The following NLGN1 variants were observed in gnomAD, a reference collection of about 807,000 sequenced individuals.
NLGN1 encodes neuroligin 1, also known as neuroligin-1.
A neutral mutation model predicts 65.5 loss-of-function variants in NLGN1; 12 were observed. The ratio of observed to expected loss-of-function variants is 0.18; its 90% CI spans 0.12 to 0.30. NLGN1 has a LOEUF of 0.30. Ranked by LOEUF, NLGN1 falls within the 10% of genes least tolerant of loss-of-function variation. The pLI is 1.00. For missense variants in NLGN1, 750 were observed against 1,007.1 expected, an observed-to-expected ratio of 0.74 and a Z score of 3.46; for synonymous variants, 350 against 359.5, an observed-to-expected ratio of 0.97 and a Z score of 0.30.
At position 173,630,696 on chromosome 3, in the gene NLGN1, ATC is replaced by A. The variant is rs148851059; in HGVS notation, c.493+25609_493+25610del. Among the ~76,000 whole-genome samples, 133 of 152,210 alleles carry A rather than the reference ATC, an allele frequency of 8.7e-4. 1 individual carries two copies. In the East Asian group the frequency reaches 0.018, roughly 20 times the overall value. ...GCCTATTTATTATCTCTTCAATGAC[ATC>A]TCTTACTAGGTACCAGTATTCTTTA... is the stretch of plus-strand genomic sequence containing the variant. On this transcript the variant is annotated intron_variant, in intron 3 of 6. Transcript: ENST00000457714.
intron 3 of NLGN1, among the ~76,000 whole-genome samples, chr3:173,747,309 T>G (rs1775603459): frequency 7.1e-6 from 1 of 140,054 alleles, no homozygotes. Flanking sequence ...TGTATGTATA[T>G]ATTTATATAT....
At chr3:174,068,265 A>G (rs1458541874) in intron 4 of NLGN1, among the ~76,000 whole-genome samples, 1 of 152,072 alleles carries the variant, frequency 6.6e-6, no homozygotes, top group Non-Finnish European at 1.5e-5. Context: ...GTTGTATAGA[A>G]TACATAGGTA....
chr3:173,583,353 T>G (rs979911293), intron 2 of NLGN1, among the ~76,000 whole-genome samples: 1 of 152,240 alleles, frequency 6.6e-6, no homozygotes, highest in African/African-American at 2.4e-5. Flanking sequence ...CATGTATATT[T>G]ATTGATTTAT....
chr3:173,917,870 T>TGTGTGTGTGTGTGTGTG (rs10530688), intron 4 of NLGN1, among the ~76,000 whole-genome samples: 5 of 152,018 alleles, frequency 3.3e-5, no homozygotes, highest in African/African-American at 1.2e-4. Flanking sequence ...TGTGTGTGTG[T>TGTGTGTGTGTGTGTGTG]TGGCCTTTAT....
intron 4 of NLGN1, among the ~76,000 whole-genome samples, chr3:173,853,954 T>C (rs1384120939): frequency 6.6e-6 from 1 of 152,006 alleles, no homozygotes; most frequent in African/African-American, 2.4e-5. Context: ...ATGCAATTGA[T>C]ATATTCCCCC....
In NLGN1 at chr3:174,131,897, G is replaced by A. The variant is rs1010228572; in HGVS notation, c.647-143418G>A. On this transcript the variant is annotated intron_variant, in intron 4 of 6. Transcript: ENST00000457714. ...GCACTAGAATATAAAATCTCAACAG[G>A]TTCATACTTTCAGAAAAGTGTTCAC... Among the ~76,000 whole-genome samples the A allele has an allele frequency of 1.1e-4, 16 of 152,154 alleles. 1 individual carries two copies. The highest frequency in any genetic ancestry group is 6.5e-4 in the Admixed American group (10 of 15,270).
chr3:173,929,067 A>T (rs149927671), intron 4 of NLGN1, among the ~76,000 whole-genome samples: 77 of 152,228 alleles, frequency 5.1e-4, no homozygotes, highest in African/African-American at 1.9e-3. Context: ...GAACCTCTAA[A>T]TTTTTTAGTG....
At chr3:173,627,339 T>C (rs1050120590) in intron 3 of NLGN1, among the ~76,000 whole-genome samples, 1 of 152,166 alleles carries the variant, frequency 6.6e-6, no homozygotes, top group African/African-American at 2.4e-5. Context: ...TAACTTAGTA[T>C]AACATACTCC....
At chr3:173,881,419 CTTTTTTTTTTT>C (rs71162368) in intron 4 of NLGN1, among the ~76,000 whole-genome samples, 1 of 80,542 alleles carries the variant, frequency 1.2e-5, no homozygotes, top group African/African-American at 5.6e-5. Context: ...TGCTCCACTC[CTTTTTTTTTTT>C]TTTTTTTTTT....
chr3:174,241,302 A>AT (rs746901443), intron 4 of NLGN1, among the ~76,000 whole-genome samples: 2 of 151,842 alleles, frequency 1.3e-5, no homozygotes, highest in African/African-American at 4.8e-5. Context: ...TGTTTTATAT[A>AT]TTTTTTCTTT....
chr3:174,089,313 C>G (rs1019214523), intron 4 of NLGN1, among the ~76,000 whole-genome samples: 3 of 152,174 alleles, frequency 2.0e-5, no homozygotes, highest in African/African-American at 7.2e-5. Flanking sequence ...GGAAACTTAT[C>G]TAGCCATTCT....
At chr3:173,537,125 C>T (rs1193828100) in intron 2 of NLGN1, among the ~76,000 whole-genome samples, 3 of 152,134 alleles carry the variant, frequency 2.0e-5, no homozygotes, top group Non-Finnish European at 4.4e-5. Context: ...TAATCTCGCC[C>T]AGAAACACTC....
intron 4 of NLGN1, among the ~76,000 whole-genome samples, chr3:173,831,624 C>A (rs941164500): frequency 2.6e-5 from 4 of 152,116 alleles, no homozygotes; most frequent in Non-Finnish European, 5.9e-5. Flanking sequence ...CTACAAAGTG[C>A]CATAAACTTC....
At chr3:174,231,499 T>C (rs927266634) in intron 4 of NLGN1, among the ~76,000 whole-genome samples, 1 of 152,176 alleles carries the variant, frequency 6.6e-6, no homozygotes, top group Non-Finnish European at 1.5e-5. Context: ...TGCATACTAC[T>C]AAGCTAGGTT....
chr3:173,844,425 GGATT>G, intron 4 of NLGN1, among the ~76,000 whole-genome samples: 1 of 152,184 alleles, frequency 6.6e-6, no homozygotes, highest in East Asian at 1.9e-4. Flanking sequence ...TCTATCTGTA[GGATT>G]GATCTTGCAT....
At chr3:173,586,892 A>G (rs1453969528) in intron 2 of NLGN1, among the ~76,000 whole-genome samples, 1 of 152,194 alleles carries the variant, frequency 6.6e-6, no homozygotes, top group African/African-American at 2.4e-5. Context: ...CACACTGTCT[A>G]ATAGTATTTA....
intron 2 of NLGN1, among the ~76,000 whole-genome samples, chr3:173,568,939 A>C (rs1165403180): frequency 2.0e-5 from 3 of 152,056 alleles, no homozygotes; most frequent in African/African-American, 4.8e-5. Flanking sequence ...CGGCCTCCCA[A>C]AGTGCTGGGA....
intron 4 of NLGN1, among the ~76,000 whole-genome samples, chr3:173,828,836 A>G (rs992995366): frequency 2.6e-5 from 4 of 152,140 alleles, no homozygotes; most frequent in African/African-American, 9.7e-5. Flanking sequence ...GTTGTGAAAC[A>G]GAAACTTGGC....
intron 4 of NLGN1, among the ~76,000 whole-genome samples, chr3:174,175,235 G>A (rs1729227037): frequency 6.6e-6 from 1 of 151,746 alleles, no homozygotes; most frequent in Non-Finnish European, 1.5e-5. Context: ...GAATGCGGGG[G>A]AGTCTCCAGC....
Sources: allele counts gnomAD v4.1 joint callset (sites outside exome capture counted in the v4.1 genomes callset), GRCh38; gene constraint gnomAD v4.1.1; transcripts MANE v1.5; gene names NCBI Gene and HGNC (gene_info 2026-07-23, HGNC 2026-07-21).